PPP1R16B: variants seen among roughly 807,000 people sequenced by gnomAD.
PPP1R16B encodes protein phosphatase 1 regulatory subunit 16B.
A neutral mutation model predicts 61.7 loss-of-function variants in PPP1R16B; 14 were observed. The ratio of observed to expected loss-of-function variants is 0.23; its 90% CI spans 0.15 to 0.35. The LOEUF (loss-of-function observed/expected upper bound fraction) is 0.35. Among genes scored for constraint, PPP1R16B ranks in the 10% least tolerant of loss-of-function variants. The probability of loss-of-function intolerance (pLI) is 1.00; values close to 1 mark genes in which losing one functional copy is unlikely to be tolerated. For missense variants in PPP1R16B, 547 were observed against 752.5 expected (o/e 0.73, Z 3.19); for synonymous variants, 266 against 305.3 (o/e 0.87, Z 1.34).
At chr20:38,902,586 A>G (rs1013250512) in intron 5 of PPP1R16B, 82 bp from the exon 6 acceptor site, 53 of 1,571,358 alleles carry the variant, frequency 3.4e-5, no homozygotes, top group East Asian at 1.3e-4. Flanking sequence ...AACAAGAGCC[A>G]TGCCTCCCTC....
Position 38,902,658 on chromosome 20 carries a change from C to G in PPP1R16B, c.572-10C>G. On this transcript the variant is annotated splice_polypyrimidine_tract_variant and intron_variant, in intron 5 of 10. Coordinates refer to ENST00000299824, the MANE Select transcript of PPP1R16B (RefSeq NM_015568.4). ...AGGGTGCTAAATAAATCCCCTCTTTCCCACTGCAGGCATCACCCAAGAGAA... is the reference window on the plus strand; with the variant it reads ...AGGGTGCTAAATAAATCCCCTCTTTGCCACTGCAGGCATCACCCAAGAGAA... The G allele has an allele frequency of 3.1e-6, 5 of 1,614,132 alleles. No individual in the cohort carries two copies. The highest frequency in any genetic ancestry group is 3.4e-6 in the Non-Finnish European group (4 of 1,180,022).
At chr20:38,879,112 G>A (rs923088717) in intron 2 of PPP1R16B, among the ~76,000 whole-genome samples, 6 of 152,216 alleles carry the variant, frequency 3.9e-5, no homozygotes, top group African/African-American at 1.4e-4. Context: ...AATTCTGGAG[G>A]TAGAATCAGT....
rs1009198941 is a variant in PPP1R16B, at chr20:38,839,433, A to G, written c.250+3258A>G. ...TATGCACAGATACATTCTTCTTGTAAAAATCAATCAACGTAGAAGTGTACA... is the reference window on the plus strand; with the variant it reads ...TATGCACAGATACATTCTTCTTGTAGAAATCAATCAACGTAGAAGTGTACA... On this transcript the variant is annotated intron_variant, in intron 2 of 10. Transcript: ENST00000299824. Among the ~76,000 whole-genome samples, 14 of 152,170 alleles carry G rather than the reference A, an allele frequency of 9.2e-5. 1 individual carries two copies. The highest frequency in any genetic ancestry group is 9.2e-4 in the Admixed American group (14 of 15,282).
chr20:38,900,279 T>C (rs1483326617), intron 4 of PPP1R16B, among the ~76,000 whole-genome samples: 8 of 152,200 alleles, frequency 5.3e-5, no homozygotes, highest in Non-Finnish European at 8.8e-5. Context: ...GGAGGACTTT[T>C]ATATCTGTCC....
rs142917316 is a variant in PPP1R16B at position 38,863,212 on chromosome 20, G to A, written c.251-26383G>A. On this transcript the variant is annotated intron_variant, in intron 2 of 10. Coordinates refer to ENST00000299824, the MANE Select transcript of PPP1R16B (RefSeq NM_015568.4). ...CCACAGCACAAAACACAAAAAATGT[G>A]GAAATGGGGACGTTCCCAGAAGGCA... Among the ~76,000 whole-genome samples the A allele has an allele frequency of 2.6e-5, 4 of 152,274 alleles. No homozygotes were observed. In the East Asian group the frequency reaches 7.7e-4, roughly 29 times the overall value.
chr20:38,911,723 G>C (rs2085492134), intron 10 of PPP1R16B, among the ~76,000 whole-genome samples: 1 of 151,990 alleles, frequency 6.6e-6, no homozygotes, highest in Non-Finnish European at 1.5e-5. Flanking sequence ...TTTTAGTAGA[G>C]ATGGGGTTTC....
rs1207353123 is a variant in PPP1R16B at position 38,902,904 on chromosome 20, G to T, written c.696+112G>T. On this transcript the variant is annotated intron_variant, in intron 6 of 10. Transcript: ENST00000299824. ...GGCCTGTCTGTGACCTTGGACCTCC[G>T]CAAGAATCCTTTTGGGCCAGGATTG... The T allele has an allele frequency of 4.0e-6, 6 of 1,498,898 alleles. No individual in the cohort carries two copies. The African/African-American group carries it at 5.5e-5, about 14-fold the overall frequency. The allele number at this position is 1,498,898 out of a possible 1,614,324, so 92.8% of individuals were successfully genotyped here.
intron 10 of PPP1R16B, among the ~76,000 whole-genome samples, chr20:38,917,708 A>G (rs2085553708): frequency 6.6e-6 from 1 of 152,202 alleles, no homozygotes; most frequent in Non-Finnish European, 1.5e-5. Flanking sequence ...ATCAGGATGC[A>G]GTCTCTCTTA....
intron 10 of PPP1R16B, among the ~76,000 whole-genome samples, chr20:38,917,052 T>C (rs1601320064): frequency 6.6e-6 from 1 of 152,266 alleles, no homozygotes; most frequent in East Asian, 1.9e-4. Flanking sequence ...ATCTCAGCAC[T>C]TTGGGAAGCT....
At position 38,902,235 on chromosome 20, in the gene PPP1R16B, C is replaced by T. The variant is rs2085400116; in HGVS notation, c.572-433C>T. Among the ~76,000 whole-genome samples, 5 of 152,146 alleles carry T rather than the reference C, an allele frequency of 3.3e-5. No homozygotes were observed. In the South Asian group the frequency reaches 1.0e-3, roughly 32 times the overall value. On this transcript the variant is annotated intron_variant, in intron 5 of 10. Coordinates refer to ENST00000299824, the MANE Select transcript of PPP1R16B (RefSeq NM_015568.4). ...CAACTAAAATTGATTGAGCGTTGTG[C>T]CAGGTGCTACAGACACAACCATGGT...
chr20:38,835,999 C>G lies in PPP1R16B; in HGVS notation c.74C>G (p.Ala25Gly). 4 of 1,570,992 alleles carry G rather than the reference C, an allele frequency of 2.5e-6. No individual in the cohort carries two copies. The highest frequency in any genetic ancestry group is 3.4e-6 in the Non-Finnish European group (4 of 1,159,654). The change falls in exon 2 of 11, where the codon GCT becomes GGT. Residue 25 changes from alanine (A) to glycine (G), a missense_variant. Physicochemically the swap from Ala to Gly is moderately conservative, Grantham distance 60. Transcript: ENST00000299824. ...EKVPTLERLRAAQKRRAQQLK... is the reference protein window; with the variant it reads ...EKVPTLERLRGAQKRRAQQLK... ...GTGCCCACGCTGGAGCGGCTGCGGG[C>G]TGCCCAGAAGCGCCGGGCCCAGCAG...
intron 2 of PPP1R16B, among the ~76,000 whole-genome samples, chr20:38,864,724 C>A (rs974749598): frequency 5.3e-5 from 8 of 152,178 alleles, no homozygotes; most frequent in Admixed American, 2.0e-4. Flanking sequence ...CCACCTCTCA[C>A]AGAGGGATCT....
At chr20:38,901,581 T>C (rs971805618) in intron 5 of PPP1R16B, among the ~76,000 whole-genome samples, 1 of 152,190 alleles carries the variant, frequency 6.6e-6, no homozygotes, top group Non-Finnish European at 1.5e-5. Context: ...AGCTAATTTT[T>C]GTATTTTTAG....
At chr20:38,896,245 CCT>C (rs2085348492) in intron 4 of PPP1R16B, among the ~76,000 whole-genome samples, 1 of 143,918 alleles carries the variant, frequency 6.9e-6, no homozygotes, top group Admixed American at 6.9e-5. Context: ...TGCCTCCCTC[CCT>C]CTCTCCCTCC....
At chr20:38,811,067 G>C (rs2084697516) in intron 1 of PPP1R16B, among the ~76,000 whole-genome samples, 2 of 152,140 alleles carry the variant, frequency 1.3e-5, no homozygotes, top group Admixed American at 6.6e-5. Flanking sequence ...ACGCTTTGTG[G>C]GGAGGTGTTC....
At chr20:38,915,492 T>C (rs914314122) in intron 10 of PPP1R16B, among the ~76,000 whole-genome samples, 1 of 152,162 alleles carries the variant, frequency 6.6e-6, no homozygotes, top group African/African-American at 2.4e-5. Flanking sequence ...GTGTTCTATA[T>C]GGTTTTTTTT....
At position 38,919,101 on chromosome 20, in the gene PPP1R16B, T is replaced by G. The variant is rs2085569787; in HGVS notation, c.*435T>G. The G allele has an allele frequency of 6.4e-6, 1 of 156,098 alleles. No individual in the cohort carries two copies. Among genetic ancestry groups the G allele is most frequent in the African/African-American group, 2.4e-5 (1 of 41,582 alleles). 9.7% of individuals were successfully genotyped at this position (156,098 alleles called of 1,614,324 possible). ...AGGGGAAGCAAGGGGGCTTAGAATT[T>G]GTGGGGTATTCCCAAAAGGATGGAA... On this transcript the variant is annotated 3_prime_UTR_variant, in exon 11 of 11. Coordinates refer to ENST00000299824, the MANE Select transcript of PPP1R16B (RefSeq NM_015568.4).
At chr20:38,859,456 C>A (rs1036481251) in intron 2 of PPP1R16B, among the ~76,000 whole-genome samples, 1 of 152,186 alleles carries the variant, frequency 6.6e-6, no homozygotes, top group Non-Finnish European at 1.5e-5. Flanking sequence ...TAGATCAGAG[C>A]TGTCCAATAG....
rs149739516 is a variant in PPP1R16B, at chr20:38,889,526, C to T, written c.251-69C>T. On this transcript the variant is annotated intron_variant, in intron 2 of 10. Transcript: ENST00000299824. ...TAGGCCTGGGGGAGAGCGGGTCTTA[C>T]CCGGGCCCCTGCATGCCTGCACACC... The T allele has an allele frequency of 3.2e-4, 445 of 1,388,202 alleles. No homozygotes were observed. The African/African-American group carries it at 5.8e-3, about 18-fold the overall frequency. 86.0% of individuals were successfully genotyped at this position (1,388,202 alleles called of 1,614,324 possible).
Sources: gnomAD v4.1 joint callset for allele counts (sites outside exome capture counted in the v4.1 genomes callset) on GRCh38, gnomAD v4.1.1 for gene constraint, MANE v1.5 for transcripts, NCBI Gene and HGNC (gene_info 2026-07-23, HGNC 2026-07-21) for gene names.